COQ8B: variants seen among roughly 807,000 people sequenced by gnomAD.
The protein encoded by COQ8B is coenzyme Q8B.
COQ8B carries 44 observed loss-of-function variants against 62.0 expected under a neutral mutation model. That is an observed-to-expected ratio of 0.71 (90% CI 0.56 to 0.91). The LOEUF (loss-of-function observed/expected upper bound fraction) is 0.91. Among genes scored for constraint, COQ8B ranks in the 40% least tolerant of loss-of-function variants. The probability of loss-of-function intolerance (pLI) is 0.00; values close to 1 mark genes in which losing one functional copy is unlikely to be tolerated. For missense variants in COQ8B, 649 were observed against 731.6 expected (o/e 0.89, Z 1.30); for synonymous variants, 252 against 289.9 (o/e 0.87, Z 1.33).
In COQ8B at chr19:40,707,037, C is replaced by T. The variant is rs1046033075; in HGVS notation, c.368-1590G>A. Among the ~76,000 whole-genome samples, 9 of 152,142 alleles carry T rather than the reference C, an allele frequency of 5.9e-5. No homozygotes were observed. The East Asian group carries it at 1.2e-3, about 20-fold the overall frequency. On this transcript the variant is annotated intron_variant, in intron 5 of 14. Transcript: ENST00000324464. ...CTGTAATCCCAGCACTTTGGGACGTCGGGGCGGGATCACTTGAGTTCATGA... is the reference window on the plus strand; with the variant it reads ...CTGTAATCCCAGCACTTTGGGACGTTGGGGCGGGATCACTTGAGTTCATGA...
chr19:40,706,900 T>C (rs1262910700), intron 5 of COQ8B, among the ~76,000 whole-genome samples: 5 of 152,250 alleles, frequency 3.3e-5, no homozygotes, highest in African/African-American at 1.2e-4. Context: ...TTAAGTTATA[T>C]AATTCAATGA....
rs1392832612 is a variant in COQ8B, at chr19:40,714,543, C to A, written c.90G>T (p.Gly30=). ...VGWPCGALGP[G]PHRWGPCGGS... ...CCTAGCCTCTTACCCAGCGGTGGGG[C>A]CCAGGCCCCAGGGCCCCACAAGGCC... is the stretch of plus-strand genomic sequence containing the variant. The change falls in exon 2 of 15, where the codon GGG becomes GGT. Residue 30 remains glycine (G), a synonymous_variant. Coordinates refer to ENST00000324464, the MANE Select transcript of COQ8B (RefSeq NM_024876.4). 1 of 1,613,636 alleles carries A rather than the reference C, an allele frequency of 6.2e-7. No individual in the cohort carries two copies. The highest frequency in any genetic ancestry group is 8.5e-7 in the Non-Finnish European group (1 of 1,179,820).
Position 40,695,986 on chromosome 19 carries a change from C to T in COQ8B, c.1209+3G>A. 1 of 1,614,150 alleles carries T rather than the reference C, an allele frequency of 6.2e-7. No homozygotes were observed. The highest frequency in any genetic ancestry group is 1.3e-5 in the African/African-American group (1 of 75,046). ...GAGGCCCTGGGGTCTGGGGGAGACT[C>T]ACCTCGATGTAATGGTCTGTGAACT... On this transcript the variant is annotated splice_donor_region_variant and intron_variant, in intron 13 of 14. Coordinates refer to ENST00000324464, the MANE Select transcript of COQ8B (RefSeq NM_024876.4).
chr19:40,694,714 G>A (rs980135847), intron 13 of COQ8B, among the ~76,000 whole-genome samples: 11 of 152,246 alleles, frequency 7.2e-5, no homozygotes, highest in East Asian at 1.9e-4. Flanking sequence ...TCACTGCCTC[G>A]TCTTGGCACA....
chr19:40,705,014 G>A (rs2082089057), intron 7 of COQ8B, 82 bp downstream of exon 7: 4 of 1,302,566 alleles, frequency 3.1e-6, no homozygotes, highest in Non-Finnish European at 3.2e-6. Flanking sequence ...GCAGGGAGTG[G>A]GGCAGTGAAG....
Position 40,703,590 on chromosome 19 carries a change from A to T in COQ8B, c.750T>A (p.Asp250Glu). 1 of 1,611,462 alleles carries T rather than the reference A, an allele frequency of 6.2e-7. No homozygotes were observed. The highest frequency in any genetic ancestry group is 8.5e-7 in the Non-Finnish European group (1 of 1,178,162). ...YPGIAQSIQS[D>E]VQNLLAVLKM... ...TGAGTACCGCCAGCAGGTTCTGGAC[A>T]TCGCTCTGAATGCTCTGGGCTATGC... The change falls in exon 9 of 15, where the codon GAT becomes GAA. Residue 250 changes from aspartate to glutamate, a missense_variant. Asp to Glu is a conservative substitution (Grantham distance 45). Transcript: ENST00000324464.
chr19:40,697,841 T>TAGAGAG (rs1317449334), intron 12 of COQ8B, among the ~76,000 whole-genome samples: 2 of 46,928 alleles, frequency 4.3e-5, no homozygotes, highest in African/African-American at 2.1e-4. Context: ...TATATATATA[T>TAGAGAG]ATATATATAT....
chr19:40,711,157 C>T (rs980959634), intron 4 of COQ8B, among the ~76,000 whole-genome samples: 2 of 151,110 alleles, frequency 1.3e-5, no homozygotes, highest in Non-Finnish European at 2.9e-5. Context: ...AAGAAGGCCC[C>T]GAAACAATTG....
intron 7 of COQ8B, chr19:40,704,320 T>C (rs1230732580): frequency 1.3e-5 from 2 of 156,456 alleles, no homozygotes; most frequent in Non-Finnish European, 2.8e-5. Context: ...ATTATTACTG[T>C]TATTATGTTT....
intron 9 of COQ8B, 107 bp downstream of exon 9, chr19:40,703,434 A>G (rs1322475289): frequency 1.7e-6 from 2 of 1,192,154 alleles, no homozygotes; most frequent in African/African-American, 3.1e-5. Flanking sequence ...CCCGCTCACA[A>G]CGCCAGCACA....
At chr19:40,705,525 TC>T (rs2082094176) in intron 5 of COQ8B, 78 bp from the exon 6 acceptor site, 1 of 1,431,446 alleles carries the variant, frequency 7.0e-7, no homozygotes, top group South Asian at 1.7e-5. Context: ...ACGCCTGTAA[TC>T]CCAGCACTTT....
chr19:40,712,601 A>G (rs994784874), intron 4 of COQ8B, among the ~76,000 whole-genome samples: 1 of 152,074 alleles, frequency 6.6e-6, no homozygotes, highest in Admixed American at 6.6e-5. Flanking sequence ...AACAAAAACA[A>G]AAACAAAACT....
In COQ8B at chr19:40,692,290, C is replaced by T; in HGVS notation, c.1380G>A (p.Gly460=). Residue 460 remains glycine (G), a synonymous_variant, in exon 15 of 15, where the codon GGG becomes GGA. Transcript: ENST00000324464. ...ATQGPYDFGS[G]ETARRIQDLI... is the part of the protein sequence containing the mutation. ...GGTCCTGTATGCGGCGGGCCGTTTC[C>T]CCCGACCCAAAGTCATAAGGGCCCT... is the stretch of plus-strand genomic sequence containing the variant. The T allele has an allele frequency of 6.2e-7, 1 of 1,613,728 alleles. No homozygotes were observed. The highest frequency in any genetic ancestry group is 8.5e-7 in the Non-Finnish European group (1 of 1,179,844).
chr19:40,700,074 C>G lies in COQ8B; in HGVS notation c.1136G>C (p.Ser379Thr), dbSNP rs758999160. The G allele has an allele frequency of 6.2e-7, 1 of 1,614,146 alleles. No individual in the cohort carries two copies. The highest frequency in any genetic ancestry group is 8.5e-7 in the Non-Finnish European group (1 of 1,179,952). Residue 379 changes from serine to threonine, a missense_variant, in exon 12 of 15, where the codon AGC (serine) becomes ACC (threonine). Ser to Thr is a moderately conservative substitution (Grantham distance 58). Coordinates refer to ENST00000324464, the MANE Select transcript of COQ8B (RefSeq NM_024876.4). ...NWANFLYDAS[S>T]HQVTLLDFGA... ...ACATCACTAGGAACCAACCTGGTGG[C>G]TGGAGGCATCATACAGGAAGTTGGC...
At chr19:40,716,273 G>A (rs1436566511) in intron 1 of COQ8B, among the ~76,000 whole-genome samples, 1 of 152,134 alleles carries the variant, frequency 6.6e-6, no homozygotes, top group Non-Finnish European at 1.5e-5. Context: ...AGAGGTGAAC[G>A]GCTGACTCAG....
chr19:40,696,340 C>T (rs1197383292), intron 12 of COQ8B, among the ~76,000 whole-genome samples: 1 of 152,124 alleles, frequency 6.6e-6, no homozygotes, highest in Non-Finnish European at 1.5e-5. Context: ...AATGAATACT[C>T]ACAAATCCTG....
intron 12 of COQ8B, among the ~76,000 whole-genome samples, chr19:40,699,791 C>G (rs970385158): frequency 2.0e-5 from 3 of 152,152 alleles, no homozygotes; most frequent in Non-Finnish European, 4.4e-5. Flanking sequence ...GTGTATTTAG[C>G]CTGGGCATTA....
At chr19:40,705,012 T>C in intron 7 of COQ8B, 84 bp downstream of exon 7, 1 of 1,272,308 alleles carries the variant, frequency 7.9e-7, no homozygotes, top group Admixed American at 2.2e-5. Flanking sequence ...AGGCAGGGAG[T>C]GGGGCAGTGA....
intron 12 of COQ8B, 97 bp downstream of exon 12, chr19:40,699,969 TG>T: frequency 1.8e-6 from 2 of 1,140,918 alleles, no homozygotes; most frequent in Non-Finnish European, 2.6e-6. Context: ...CTGCCTATTG[TG>T]GGGGTAATCA....
Sources: gnomAD v4.1 joint callset for allele counts (sites outside exome capture counted in the v4.1 genomes callset) on GRCh38, gnomAD v4.1.1 for gene constraint, MANE v1.5 for transcripts, NCBI Gene and HGNC (gene_info 2026-07-23, HGNC 2026-07-21) for gene names.